FAM174A: variants seen among roughly 807,000 people sequenced by gnomAD.
FAM174A encodes the protein membrane protein FAM174A.
Under a neutral mutation model 14.3 loss-of-function variants are expected in FAM174A, and 14 were observed. The ratio of observed to expected loss-of-function variants is 0.98; its 90% CI spans 0.65 to 1.53. The LOEUF (loss-of-function observed/expected upper bound fraction) is 1.53, where lower values mean the gene tolerates loss of function less well. FAM174A is among the 40% of genes most tolerant of loss of function. The pLI, the probability that FAM174A is intolerant of heterozygous loss-of-function variation, is 0.00. For missense variants in FAM174A, 241 were observed against 249.6 expected (o/e 0.97, Z 0.23); for synonymous variants, 108 against 111.4 (o/e 0.97, Z 0.19).
Position 100,586,484 on chromosome 5 carries a change from A to G in FAM174A, c.*300A>G, listed in dbSNP as rs1747128299. ...GATCGGTTTTTGTTTCCTGCTTACC[A>G]TATGATTGTAAATTGTTTTATGTAT... On this transcript the variant is annotated 3_prime_UTR_variant, in exon 3 of 3. Coordinates refer to ENST00000312637, the MANE Select transcript of FAM174A (RefSeq NM_198507.3). 2 of 197,292 alleles carry G rather than the reference A, an allele frequency of 1.0e-5. No homozygotes were observed. The highest frequency in any genetic ancestry group is 2.3e-5 in the African/African-American group (1 of 43,324). The allele number at this position is 197,292 out of a possible 1,614,324, so 12.2% of individuals were successfully genotyped here.
intron 1 of FAM174A, among the ~76,000 whole-genome samples, chr5:100,537,446 T>C (rs1487970097): frequency 6.6e-6 from 1 of 152,174 alleles, no homozygotes; most frequent in Non-Finnish European, 1.5e-5. Context: ...AGTTGATAAG[T>C]ATAGGTTTTC....
intron 2 of FAM174A, among the ~76,000 whole-genome samples, chr5:100,574,435 G>T (rs780434538): frequency 1.3e-5 from 2 of 151,992 alleles, no homozygotes; most frequent in Non-Finnish European, 2.9e-5. Flanking sequence ...TGATCCACCC[G>T]CCTCGACCTT....
chr5:100,569,593 A>T (rs1746733880), intron 2 of FAM174A, among the ~76,000 whole-genome samples: 2 of 151,866 alleles, frequency 1.3e-5, no homozygotes, highest in South Asian at 4.1e-4. Flanking sequence ...CTGGGAGCAG[A>T]ATTATGGGTC....
intron 2 of FAM174A, among the ~76,000 whole-genome samples, chr5:100,584,731 G>C (rs928777444): frequency 1.3e-5 from 2 of 152,172 alleles, no homozygotes; most frequent in Non-Finnish European, 2.9e-5. Flanking sequence ...CAAAGATGCT[G>C]TGCTTGCTAA....
chr5:100,558,908 C>G (rs1746459589), intron 1 of FAM174A, among the ~76,000 whole-genome samples: 1 of 152,060 alleles, frequency 6.6e-6, no homozygotes, highest in African/African-American at 2.4e-5. Flanking sequence ...CAGTCTGTGT[C>G]TTTTAATTGG....
At chr5:100,562,507 G>A (rs1160081901) in intron 2 of FAM174A, among the ~76,000 whole-genome samples, 1 of 151,714 alleles carries the variant, frequency 6.6e-6, no homozygotes, top group Non-Finnish European at 1.5e-5. Flanking sequence ...TTGTCGTACA[G>A]ATTATTTCAT....
At chr5:100,568,032 G>C (rs943014610) in intron 2 of FAM174A, among the ~76,000 whole-genome samples, 1 of 151,862 alleles carries the variant, frequency 6.6e-6, no homozygotes, top group African/African-American at 2.4e-5. Context: ...ATGAAAGTTA[G>C]AACATAATTA....
At chr5:100,537,256 C>A (rs1176221117) in intron 1 of FAM174A, among the ~76,000 whole-genome samples, 1 of 152,132 alleles carries the variant, frequency 6.6e-6, no homozygotes, top group Non-Finnish European at 1.5e-5. Flanking sequence ...AAAATCTATC[C>A]ATTTCCTATT....
At chr5:100,573,838 A>G (rs1746845369) in intron 2 of FAM174A, among the ~76,000 whole-genome samples, 3 of 151,674 alleles carry the variant, frequency 2.0e-5, no homozygotes, top group East Asian at 3.9e-4. Context: ...CTACAAGGCT[A>G]CAGTAACCAA....
intron 1 of FAM174A, among the ~76,000 whole-genome samples, chr5:100,550,980 A>G (rs577752397): frequency 3.9e-5 from 6 of 152,268 alleles, no homozygotes; most frequent in Admixed American, 3.9e-4. Flanking sequence ...TTTGTAGGCC[A>G]TATATTATAG....
At chr5:100,577,020 G>T (rs1453215411) in intron 2 of FAM174A, among the ~76,000 whole-genome samples, 1 of 152,066 alleles carries the variant, frequency 6.6e-6, no homozygotes, top group Non-Finnish European at 1.5e-5. Flanking sequence ...GCAGTCTCAA[G>T]AAACACAAGT....
At chr5:100,560,892 A>G (rs1259380300) in intron 1 of FAM174A, among the ~76,000 whole-genome samples, 1 of 152,032 alleles carries the variant, frequency 6.6e-6, no homozygotes, top group Non-Finnish European at 1.5e-5. Flanking sequence ...TGCATTGGAG[A>G]TGACTTAGGC....
chr5:100,557,605 C>G (rs143627748), intron 1 of FAM174A, among the ~76,000 whole-genome samples: 32,178 of 151,984 alleles, frequency 0.21, 3,657 homozygotes, highest in African/African-American at 0.26. Flanking sequence ...ATTATTGCCT[C>G]AATTTCAGAG....
chr5:100,545,956 T>C (rs1561313001), intron 1 of FAM174A, among the ~76,000 whole-genome samples: 1 of 152,198 alleles, frequency 6.6e-6, no homozygotes, highest in Non-Finnish European at 1.5e-5. Flanking sequence ...ATAAAATTAT[T>C]TGATAAGTGT....
intron 1 of FAM174A, among the ~76,000 whole-genome samples, chr5:100,542,426 C>T (rs1746076158): frequency 6.6e-6 from 1 of 152,224 alleles, no homozygotes; most frequent in East Asian, 1.9e-4. Context: ...CATTCACATA[C>T]AGTCATCCAA....
At chr5:100,580,260 T>C (rs943341691) in intron 2 of FAM174A, among the ~76,000 whole-genome samples, 7 of 144,642 alleles carry the variant, frequency 4.8e-5, no homozygotes, top group African/African-American at 1.7e-4. Flanking sequence ...TGTTAAAATG[T>C]GAAAAATGTG....
intron 2 of FAM174A, among the ~76,000 whole-genome samples, chr5:100,575,285 G>T (rs1429157476): frequency 1.3e-5 from 2 of 151,848 alleles, no homozygotes; most frequent in Non-Finnish European, 2.9e-5. Flanking sequence ...GAGTTCTAGG[G>T]TACATGTGCA....
At chr5:100,544,871 G>GT (rs1220206449) in intron 1 of FAM174A, among the ~76,000 whole-genome samples, 2 of 152,294 alleles carry the variant, frequency 1.3e-5, no homozygotes, top group East Asian at 3.9e-4. Context: ...TTATTGCAAA[G>GT]TTTTTCTGAA....
chr5:100,582,438 G>A (rs1747039352), intron 2 of FAM174A, among the ~76,000 whole-genome samples: 2 of 151,576 alleles, frequency 1.3e-5, no homozygotes, highest in Admixed American at 6.6e-5. Context: ...TGATTATAAA[G>A]GAAGATTTAT....
Sources: allele counts gnomAD v4.1 joint callset (sites outside exome capture counted in the v4.1 genomes callset), GRCh38; gene constraint gnomAD v4.1.1; transcripts MANE v1.5; gene names NCBI Gene and HGNC (gene_info 2026-07-23, HGNC 2026-07-21).